Variants in PPP2R3B observed in about 807,000 individuals in gnomAD.
The protein encoded by PPP2R3B is serine/threonine-protein phosphatase 2A regulatory subunit B'' subunit beta.
In PPP2R3B, 68 loss-of-function variants were observed where a neutral mutation model predicts 72.9. The observed-to-expected ratio is 0.93, with a 90% confidence interval of 0.77 to 1.14. The LOEUF (loss-of-function observed/expected upper bound fraction) is 1.14, where lower values mean the gene tolerates loss of function less well. Ranked by LOEUF, PPP2R3B falls within the 50% of genes most tolerant of loss-of-function variation. The pLI is 0.00. For missense variants in PPP2R3B, 1,018 were observed against 842.0 expected, an observed-to-expected ratio of 1.21 and a Z score of -2.59; for synonymous variants, 466 against 375.8, an observed-to-expected ratio of 1.24 and a Z score of -2.78.
At chrX:366,969 G>C (rs866846140) in intron 1 of PPP2R3B, among the ~76,000 whole-genome samples, 14 of 146,928 alleles carry the variant, frequency 9.5e-5, no homozygotes, top group South Asian at 8.4e-4. Flanking sequence ...CGGAGGGTGC[G>C]GTGAGCTGAG....
At position 369,614 on chromosome X, in the gene PPP2R3B, C is replaced by A. The variant is rs765254234; in HGVS notation, c.325-8024G>T. Among the ~76,000 whole-genome samples the A allele has an allele frequency of 2.0e-5, 3 of 152,358 alleles. No individual in the cohort carries two copies. The East Asian group carries it at 5.8e-4, about 29-fold the overall frequency. On this transcript the variant is annotated intron_variant, in intron 1 of 12. Coordinates refer to ENST00000390665, the MANE Select transcript of PPP2R3B (RefSeq NM_013239.5). ...GGTGAGTGTACCCCGAGAACACAGGCCACGTGCACCGTGACACATCCTCTC... is the reference window on the plus strand; with the variant it reads ...GGTGAGTGTACCCCGAGAACACAGGACACGTGCACCGTGACACATCCTCTC...
chrX:374,335 A>ACGGCAGCCCAGACATCC (rs1262296771), intron 1 of PPP2R3B, among the ~76,000 whole-genome samples: 1 of 152,056 alleles, frequency 6.6e-6, no homozygotes, highest in Non-Finnish European at 1.5e-5. Context: ...ACAAACACGC[A>ACGGCAGCCCAGACATCC]CGGCAGCCCA....
chrX:351,343 AC>A lies in PPP2R3B; in HGVS notation c.511-3651del, dbSNP rs760714630. 1.2e-3 allele frequency among the ~76,000 whole-genome samples: 176 copies of A among 152,022 alleles called. 3 individuals carry two copies. Among genetic ancestry groups the A allele is most frequent in the African/African-American group, 4.1e-3 (171 of 41,464 alleles). On this transcript the variant is annotated intron_variant, in intron 2 of 12. Transcript: ENST00000390665. ...GGCTCACAGGCCGTGCAGGTTTCAAACCCCAAGCGCTCAACACCCAGGGATG... is the reference window on the plus strand; with the variant it reads ...GGCTCACAGGCCGTGCAGGTTTCAAACCCAAGCGCTCAACACCCAGGGATG...
intron 1 of PPP2R3B, among the ~76,000 whole-genome samples, chrX:363,836 G>A (rs1384210339): frequency 6.6e-6 from 1 of 152,252 alleles, no homozygotes; most frequent in Non-Finnish European, 1.5e-5. Context: ...TTGGGGTACG[G>A]AACTGACCCC....
rs1384424372 is a variant in PPP2R3B, at chrX:386,696, G to A, written c.-5C>T. The A allele has an allele frequency of 2.3e-6, 3 of 1,283,268 alleles. No homozygotes were observed. The highest frequency in any genetic ancestry group is 4.0e-5 in the Admixed American group (1 of 25,108). 79.5% of individuals were successfully genotyped at this position (1,283,268 alleles called of 1,614,324 possible). On this transcript the variant is annotated 5_prime_UTR_variant, in exon 1 of 13. Transcript: ENST00000390665. Reference sequence around the variant, plus strand: ...CAGCACTTTGCCGGGCGGCATGGCGGGGGCTGGGCCCGCGGCGCCCCCGGA... The same window carrying A: ...CAGCACTTTGCCGGGCGGCATGGCGAGGGCTGGGCCCGCGGCGCCCCCGGA...
chrX:335,748 AAGTC>A (rs1172877070), intron 12 of PPP2R3B: 1 of 152,294 alleles, frequency 6.6e-6, no homozygotes. Context: ...ATCACACACA[AAGTC>A]AGTATCAGGA....
rs772301560 is a variant in PPP2R3B at position 347,655 on chromosome X, G to C, written c.549C>G (p.Phe183Leu). The change falls in exon 3 of 13, where the codon TTC becomes TTG. Residue 183 changes from phenylalanine (F) to leucine (L), a missense_variant. Coordinates refer to ENST00000390665, the MANE Select transcript of PPP2R3B (RefSeq NM_013239.5). ...CCGTGCGCTCCCCGCCGGCGCCATA[G>C]AAGAGCGGCCCCTTCCAGTAGAGGG... ...GCPLYWKGPL[F>L]YGAGGERTGS... 11 of 1,567,396 alleles carry C rather than the reference G, an allele frequency of 7.0e-6. No homozygotes were observed. Among genetic ancestry groups the C allele is most frequent in the Non-Finnish European group, 6.0e-6 (7 of 1,157,224 alleles).
intron 9 of PPP2R3B, 78 bp from the exon 10 acceptor site, chrX:341,018 A>AGCC: frequency 2.6e-6 from 4 of 1,539,008 alleles, no homozygotes; most frequent in East Asian, 2.3e-5. Context: ...GGCAGCCCCC[A>AGCC]CCGGGGGTGC....
At position 338,609 on chromosome X, in the gene PPP2R3B, C is replaced by T. The variant is rs1307889631; in HGVS notation, c.1572G>A (p.Glu524=). 6.2e-7 allele frequency: 1 copy of T among 1,607,390 alleles called. No homozygotes were observed. The highest frequency in any genetic ancestry group is 1.3e-5 in the African/African-American group (1 of 74,274). ...VAEETAGEPW[E]DGFEAELSPV... Reference sequence around the variant, plus strand: ...CACCCGTCCTCCCCACTCACCCGTCCTCCCAGGGCTCTCCCGCAGTCTCCT... The same window carrying T: ...CACCCGTCCTCCCCACTCACCCGTCTTCCCAGGGCTCTCCCGCAGTCTCCT... The change falls in exon 12 of 13, where the codon GAG becomes GAA. Residue 524 remains glutamate (E), a synonymous_variant. Coordinates refer to ENST00000390665, the MANE Select transcript of PPP2R3B (RefSeq NM_013239.5).
At chrX:342,072 G>A (rs2071091967) in intron 7 of PPP2R3B, 141 bp from the exon 8 acceptor site, 4 of 930,640 alleles carry the variant, frequency 4.3e-6, no homozygotes, top group African/African-American at 3.2e-5. Context: ...GGGCCCCGAT[G>A]CCCCTGCACG....
intron 1 of PPP2R3B, among the ~76,000 whole-genome samples, chrX:370,588 G>A (rs1357371477): frequency 1.3e-5 from 2 of 152,210 alleles, no homozygotes; most frequent in Non-Finnish European, 2.9e-5. Flanking sequence ...TTGGTCTTCT[G>A]TGTGGACGTT....
At chrX:360,401 G>A (rs756756569) in intron 2 of PPP2R3B, among the ~76,000 whole-genome samples, 1 of 152,208 alleles carries the variant, frequency 6.6e-6, no homozygotes, top group African/African-American at 2.4e-5. Context: ...AGGCATGGTG[G>A]TGCATGCCTA....
intron 1 of PPP2R3B, among the ~76,000 whole-genome samples, chrX:370,082 G>A (rs2071824442): frequency 6.6e-6 from 1 of 152,176 alleles, no homozygotes; most frequent in African/African-American, 2.4e-5. Flanking sequence ...GTAGAGGGCT[G>A]CCAGCTACAC....
chrX:344,318 G>C (rs936161677), intron 7 of PPP2R3B, among the ~76,000 whole-genome samples: 2 of 151,622 alleles, frequency 1.3e-5, no homozygotes, highest in Non-Finnish European at 2.9e-5. Context: ...ACCAACGGGA[G>C]GCGGGAGGGA....
intron 1 of PPP2R3B, among the ~76,000 whole-genome samples, chrX:367,451 C>CG (rs1174377751): frequency 2.0e-5 from 3 of 149,496 alleles, no homozygotes; most frequent in Non-Finnish European, 4.4e-5. Context: ...TTTATAGAGA[C>CG]GGGGTCTCGC....
At chrX:339,019 G>T in intron 10 of PPP2R3B, 123 bp from the exon 11 acceptor site, 1 of 814,954 alleles carries the variant, frequency 1.2e-6, no homozygotes, top group East Asian at 2.4e-5. Flanking sequence ...GGGCTCTCAC[G>T]CCACGTGTTT....
intron 2 of PPP2R3B, among the ~76,000 whole-genome samples, chrX:351,072 A>G (rs2071322216): frequency 6.6e-6 from 1 of 152,106 alleles, no homozygotes; most frequent in African/African-American, 2.4e-5. Context: ...CAGTGCTGCT[A>G]TGGGAAAGGA....
At chrX:376,848 G>A (rs57994630) in intron 1 of PPP2R3B, among the ~76,000 whole-genome samples, 1 of 118,356 alleles carries the variant, frequency 8.4e-6, no homozygotes, top group Non-Finnish European at 1.9e-5. Context: ...CAGTGGGGCC[G>A]CCATGGGGCT....
At chrX:382,484 G>A (rs892170159) in intron 1 of PPP2R3B, among the ~76,000 whole-genome samples, 6 of 147,330 alleles carry the variant, frequency 4.1e-5, no homozygotes, top group Non-Finnish European at 5.9e-5. Flanking sequence ...AGGTGTGAGC[G>A]ACTGAGCCTG....
Sources: allele counts gnomAD v4.1 joint callset (sites outside exome capture counted in the v4.1 genomes callset), GRCh38; gene constraint gnomAD v4.1.1; transcripts MANE v1.5; gene names NCBI Gene and HGNC (gene_info 2026-07-23, HGNC 2026-07-21).